The following ADARB2 variants were observed in gnomAD, a reference collection of about 807,000 sequenced individuals.
The protein encoded by ADARB2 is adenosine deaminase RNA specific B2 (inactive).
ADARB2 carries 25 observed loss-of-function variants against 62.2 expected under a neutral mutation model. The ratio of observed to expected loss-of-function variants is 0.40; its 90% CI spans 0.29 to 0.56. The LOEUF is 0.56. ADARB2 is among the 20% of genes least tolerant of loss of function. The pLI, the probability that ADARB2 is intolerant of heterozygous loss-of-function variation, is 0.43. For synonymous variants in ADARB2, 572 were observed against 500.8 expected (o/e 1.14, Z -1.90); for missense variants, 1,071 against 1,077.4 (o/e 0.99, Z 0.08).
chr10:1,279,584 G>A (rs1451166873), intron 3 of ADARB2, among the ~76,000 whole-genome samples: 8 of 152,186 alleles, frequency 5.3e-5, no homozygotes, highest in African/African-American at 1.7e-4. Flanking sequence ...CCAAAGTGCT[G>A]GGATTACAGG....
intron 1 of ADARB2, among the ~76,000 whole-genome samples, chr10:1,443,656 A>C (rs1298435401): frequency 1.3e-5 from 2 of 152,176 alleles, no homozygotes; most frequent in African/African-American, 4.8e-5. Flanking sequence ...TTCAGATATC[A>C]GTATGAGTTT....
chr10:1,422,646 G>A (rs146421502), intron 1 of ADARB2, among the ~76,000 whole-genome samples: 1 of 152,326 alleles, frequency 6.6e-6, no homozygotes, highest in Non-Finnish European at 1.5e-5. Flanking sequence ...CTACACATCT[G>A]TGCAAAATTG....
At chr10:1,458,273 G>A (rs1186131023) in intron 1 of ADARB2, among the ~76,000 whole-genome samples, 1 of 152,108 alleles carries the variant, frequency 6.6e-6, no homozygotes, top group African/African-American at 2.4e-5. Context: ...TGCAAAATAG[G>A]ATCTTCTGAA....
Position 1,678,258 on chromosome 10 carries a change from C to T in ADARB2, c.100+58793G>A, listed in dbSNP as rs561390444. 2.2e-5 allele frequency: 22 copies of T among 985,176 alleles called. No individual in the cohort carries two copies. In the African/African-American group the frequency reaches 3.3e-4, roughly 15 times the overall value. The allele number at this position is 985,176 out of a possible 1,614,324, so 61.0% of individuals were successfully genotyped here. The stretch of plus-strand genomic sequence containing the variant: ...GGTGAGTGTCCTCGGGGTGAGCATC[C>T]TCAGGGTGAGGGACCTCGGGGTGAG... On this transcript the variant is annotated intron_variant, in intron 1 of 9. Transcript: ENST00000381312.
At chr10:1,567,778 C>A (rs74585395) in intron 1 of ADARB2, among the ~76,000 whole-genome samples, 1 of 152,174 alleles carries the variant, frequency 6.6e-6, no homozygotes, top group Non-Finnish European at 1.5e-5. Flanking sequence ...CACTACCATG[C>A]GCACAGCAGG....
At chr10:1,417,323 G>A (rs1359725160) in intron 1 of ADARB2, among the ~76,000 whole-genome samples, 1 of 152,060 alleles carries the variant, frequency 6.6e-6, no homozygotes, top group Non-Finnish European at 1.5e-5. Context: ...GTATAGAACA[G>A]TCGGTCAGGA....
At chr10:1,268,776 T>C (rs1831231547) in intron 4 of ADARB2, among the ~76,000 whole-genome samples, 1 of 152,254 alleles carries the variant, frequency 6.6e-6, no homozygotes, top group South Asian at 2.1e-4. Context: ...AAGTCACTAA[T>C]TAGTGAAGCT....
At chr10:1,447,335 A>G (rs1830982416) in intron 1 of ADARB2, among the ~76,000 whole-genome samples, 1 of 152,210 alleles carries the variant, frequency 6.6e-6, no homozygotes, top group Non-Finnish European at 1.5e-5. Flanking sequence ...TGGGATTTTT[A>G]TATCTCTTTC....
At chr10:1,227,108 C>T (rs547771799) in intron 6 of ADARB2, among the ~76,000 whole-genome samples, 8 of 152,352 alleles carry the variant, frequency 5.3e-5, no homozygotes, top group East Asian at 3.9e-4. Flanking sequence ...TCGGCAATGG[C>T]GGGCGCCCCT....
At position 1,180,533 on chromosome 10, in the gene ADARB2, C is replaced by T. The variant is rs925461516; in HGVS notation, c.*2660G>A. ...CCTTCCTGGCTGGGTCAGGCCCTGC[C>T]AGTTGGGAGCAGCCTGCGTGTGGCG... On this transcript the variant is annotated 3_prime_UTR_variant, in exon 10 of 10. Transcript: ENST00000381312. 6.6e-6 allele frequency: 1 copy of T among 152,586 alleles called. No homozygotes were observed. The highest frequency in any genetic ancestry group is 2.4e-5 in the African/African-American group (1 of 41,446). The allele number at this position is 152,586 out of a possible 1,614,324, so 9.5% of individuals were successfully genotyped here.
intron 1 of ADARB2, among the ~76,000 whole-genome samples, chr10:1,462,963 A>C (rs962975472): frequency 6.6e-6 from 1 of 152,006 alleles, no homozygotes; most frequent in Non-Finnish European, 1.5e-5. Context: ...AAACAGCCTC[A>C]AAACACGTCC....
chr10:1,702,475 G>A (rs547401701), intron 1 of ADARB2, among the ~76,000 whole-genome samples: 1 of 152,344 alleles, frequency 6.6e-6, no homozygotes, highest in East Asian at 1.9e-4. Context: ...CAGCACCTGG[G>A]CAGGTAGGGA....
intron 1 of ADARB2, among the ~76,000 whole-genome samples, chr10:1,549,712 T>C (rs987453853): frequency 3.2e-4 from 49 of 151,980 alleles, no homozygotes; most frequent in African/African-American, 1.1e-3. Context: ...CCCCATCCTC[T>C]AGACTCCAAA....
At chr10:1,535,072 C>G (rs1224866453) in intron 1 of ADARB2, 2 of 167,008 alleles carry the variant, frequency 1.2e-5, no homozygotes, top group South Asian at 4.1e-4. Flanking sequence ...CAACAGCACG[C>G]AGGCCACGCC....
intron 1 of ADARB2, among the ~76,000 whole-genome samples, chr10:1,664,848 G>A (rs796633743): frequency 3.9e-4 from 60 of 152,324 alleles, no homozygotes; most frequent in African/African-American, 1.4e-3. Context: ...GGCTCCTCAA[G>A]ACTGCCAGAG....
At position 1,513,631 on chromosome 10, in the gene ADARB2, A is replaced by G. The variant is rs1831966541; in HGVS notation, c.101-134471T>C. Among the ~76,000 whole-genome samples, 4 of 152,158 alleles carry G rather than the reference A, an allele frequency of 2.6e-5. No individual in the cohort carries two copies. In the South Asian group the frequency reaches 8.3e-4, roughly 32 times the overall value. On this transcript the variant is annotated intron_variant, in intron 1 of 9. Transcript: ENST00000381312. Reference sequence around the variant, plus strand: ...GTGCTGGGGTTCCAGGGCAGCCCTGAGGAGAGGGGCAGGGGTTCTGCAACC... The same window carrying G: ...GTGCTGGGGTTCCAGGGCAGCCCTGGGGAGAGGGGCAGGGGTTCTGCAACC...
intron 1 of ADARB2, among the ~76,000 whole-genome samples, chr10:1,637,770 A>G (rs1361528981): frequency 6.6e-6 from 1 of 152,228 alleles, no homozygotes; most frequent in Non-Finnish European, 1.5e-5. Flanking sequence ...TCACCAAGTT[A>G]ATGTGTCTGC....
At chr10:1,708,925 T>C (rs1462602709) in intron 1 of ADARB2, among the ~76,000 whole-genome samples, 3 of 152,048 alleles carry the variant, frequency 2.0e-5, no homozygotes, top group Admixed American at 2.0e-4. Context: ...TGGAAATCCA[T>C]AGGAGAGGAC....
intron 3 of ADARB2, among the ~76,000 whole-genome samples, chr10:1,295,593 T>C (rs1419151323): frequency 6.6e-6 from 1 of 152,148 alleles, no homozygotes; most frequent in Admixed American, 6.5e-5. Flanking sequence ...CGTGTGCGCC[T>C]CTGTTTCTTC....
Sources: gnomAD v4.1 joint callset for allele counts (sites outside exome capture counted in the v4.1 genomes callset) on GRCh38, gnomAD v4.1.1 for gene constraint, MANE v1.5 for transcripts, NCBI Gene and HGNC (gene_info 2026-07-23, HGNC 2026-07-21) for gene names.